Variants in KCNIP4 observed in about 807,000 individuals in gnomAD.
KCNIP4 encodes Kv channel-interacting protein 4.
Under a neutral mutation model 34.0 loss-of-function variants are expected in KCNIP4, and 12 were observed. That is an observed-to-expected ratio of 0.35 (90% CI 0.23 to 0.57). The LOEUF (loss-of-function observed/expected upper bound fraction) is 0.57, where lower values mean the gene tolerates loss of function less well. Ranked by LOEUF, KCNIP4 falls within the 20% of genes least tolerant of loss-of-function variation. The pLI, the probability that KCNIP4 is intolerant of heterozygous loss-of-function variation, is 0.83. For missense variants in KCNIP4, 238 were observed against 311.7 expected, an observed-to-expected ratio of 0.76 and a Z score of 1.78; for synonymous variants, 124 against 102.2, an observed-to-expected ratio of 1.21 and a Z score of -1.29.
intron 1 of KCNIP4, among the ~76,000 whole-genome samples, chr4:21,519,502 G>GTATATACACATATGTGTGTA (rs1267828490): frequency 9.1e-6 from 1 of 110,310 alleles, no homozygotes; most frequent in East Asian, 3.4e-4. Flanking sequence ...GTGTGTATGT[G>GTATATACACATATGTGTGTA]TATGTGTATA....
chr4:21,918,654 C>T (rs1728773063), intron 1 of KCNIP4, among the ~76,000 whole-genome samples: 2 of 152,116 alleles, frequency 1.3e-5, no homozygotes, highest in Admixed American at 6.5e-5. Context: ...GCAGAAATAA[C>T]AGTGGTGCGT....
intron 1 of KCNIP4, among the ~76,000 whole-genome samples, chr4:21,451,211 T>A (rs1728482252): frequency 6.6e-6 from 1 of 152,110 alleles, no homozygotes; most frequent in Admixed American, 6.5e-5. Flanking sequence ...GTTATTGCCA[T>A]TCCTGAGTAA....
rs553053763 is a variant in KCNIP4 at position 21,348,644 on chromosome 4, G to A, written c.62-465935C>T. 1.8e-4 allele frequency among the ~76,000 whole-genome samples: 27 copies of A among 152,210 alleles called. No individual in the cohort carries two copies. The East Asian group carries it at 2.7e-3, about 15-fold the overall frequency. ...TAAATAGCAAAAATTTTATGGAGAA[G>A]CCCATTAAGTTATTTATAAATGAGA... On this transcript the variant is annotated intron_variant, in intron 1 of 8. Coordinates refer to ENST00000382152, the MANE Select transcript of KCNIP4 (RefSeq NM_025221.6).
intron 1 of KCNIP4, among the ~76,000 whole-genome samples, chr4:21,182,411 T>TTCCCTCTC (rs1553950426): frequency 2.0e-5 from 3 of 150,936 alleles, no homozygotes; most frequent in African/African-American, 7.3e-5. Context: ...TTTTCCTCTT[T>TTCCCTCTC]TCCCTCCCCC....
chr4:21,778,323 C>T (rs191422181), intron 1 of KCNIP4, among the ~76,000 whole-genome samples: 17 of 147,824 alleles, frequency 1.2e-4, no homozygotes, highest in African/African-American at 3.5e-4. Flanking sequence ...CAGCTTCAAC[C>T]TCCTGGGCTC....
chr4:20,863,412 A>G (rs563987281), intron 2 of KCNIP4, among the ~76,000 whole-genome samples: 1 of 152,252 alleles, frequency 6.6e-6, no homozygotes, highest in Admixed American at 6.5e-5. Context: ...CCCTGATCTT[A>G]GGTTTACAAT....
chr4:20,889,573 G>T (rs1725687726), intron 1 of KCNIP4, among the ~76,000 whole-genome samples: 1 of 151,902 alleles, frequency 6.6e-6, no homozygotes, highest in Non-Finnish European at 1.5e-5. Context: ...ATTTTTTTGT[G>T]CCATCAAATA....
intron 1 of KCNIP4, among the ~76,000 whole-genome samples, chr4:21,914,327 C>T (rs1037732544): frequency 6.6e-6 from 1 of 152,064 alleles, no homozygotes; most frequent in African/African-American, 2.4e-5. Context: ...TGGATGTGTG[C>T]ATAGGGGTGG....
intron 1 of KCNIP4, among the ~76,000 whole-genome samples, chr4:21,642,335 C>T (rs1364889080): frequency 6.6e-6 from 1 of 150,756 alleles, no homozygotes; most frequent in African/African-American, 2.4e-5. Flanking sequence ...AATTCATGGG[C>T]CTTATCATAT....
intron 1 of KCNIP4, among the ~76,000 whole-genome samples, chr4:20,918,593 T>G (rs1019897998): frequency 6.6e-6 from 1 of 152,166 alleles, no homozygotes; most frequent in Non-Finnish European, 1.5e-5. Flanking sequence ...CCTACTGGAT[T>G]CCAGATGCCG....
intron 1 of KCNIP4, among the ~76,000 whole-genome samples, chr4:21,777,036 G>A (rs1328584143): frequency 6.6e-6 from 1 of 152,096 alleles, no homozygotes; most frequent in Non-Finnish European, 1.5e-5. Context: ...ACTTCCCAAA[G>A]TGCTGGTATT....
At position 21,240,709 on chromosome 4, in the gene KCNIP4, G is replaced by C. The variant is rs535338251; in HGVS notation, c.62-358000C>G. The stretch of plus-strand genomic sequence containing the variant: ...TGGAAACTGATGGCAGATTGAACTG[G>C]AGAACATGGAAAAATTACCTCCTAA... On this transcript the variant is annotated intron_variant, in intron 1 of 8. Transcript: ENST00000382152. Among the ~76,000 whole-genome samples, 35 of 152,284 alleles carry C rather than the reference G, an allele frequency of 2.3e-4. 1 individual carries two copies. Among genetic ancestry groups the C allele is most frequent in the African/African-American group, 7.0e-4 (29 of 41,558 alleles).
chr4:21,232,367 T>C (rs1326973356), intron 1 of KCNIP4, among the ~76,000 whole-genome samples: 1 of 152,156 alleles, frequency 6.6e-6, no homozygotes, highest in Admixed American at 6.6e-5. Context: ...AATGACCATA[T>C]TGCCATGGAC....
intron 1 of KCNIP4, among the ~76,000 whole-genome samples, chr4:21,263,143 TA>T (rs575666112): frequency 6.1e-4 from 93 of 152,256 alleles, no homozygotes; most frequent in African/African-American, 2.2e-3. Flanking sequence ...CTGACATGAG[TA>T]ATTGGTCCAT....
At chr4:21,615,502 C>T (rs4697222) in intron 1 of KCNIP4, among the ~76,000 whole-genome samples, 49,389 of 151,526 alleles carry the variant, frequency 0.33, 8,457 homozygotes, top group East Asian at 0.62. Context: ...GCCGAGATCA[C>T]GCCACTGCAC....
intron 1 of KCNIP4, among the ~76,000 whole-genome samples, chr4:21,158,757 T>C (rs1032181933): frequency 6.6e-6 from 1 of 152,222 alleles, no homozygotes; most frequent in East Asian, 1.9e-4. Context: ...TCTTACCTGT[T>C]CGAATTGTAT....
At chr4:21,727,645 A>C (rs757186498) in intron 1 of KCNIP4, among the ~76,000 whole-genome samples, 1 of 152,036 alleles carries the variant, frequency 6.6e-6, no homozygotes, top group Admixed American at 6.6e-5. Flanking sequence ...CCTGGCCAAC[A>C]TAACAAGAAC....
intron 1 of KCNIP4, among the ~76,000 whole-genome samples, chr4:21,801,967 A>T (rs56318309): frequency 0.24 from 36,552 of 151,440 alleles, 6,148 homozygotes; most frequent in East Asian, 0.64. Context: ...TTTTTTTTTT[A>T]AAAAAGAATA....
In KCNIP4 at chr4:20,953,351, T is replaced by C. The variant is rs558823535; in HGVS notation, c.62-70642A>G. ...CTAAAAGCAACTTGAGACTTCTATA[T>C]GGTTGGAACCTAGCACAGTGCATAA... On this transcript the variant is annotated intron_variant, in intron 1 of 8. Transcript: ENST00000382152. Among the ~76,000 whole-genome samples, 11 of 152,316 alleles carry C rather than the reference T, an allele frequency of 7.2e-5. No individual in the cohort carries two copies. The East Asian group carries it at 2.1e-3, about 29-fold the overall frequency.
Sources: gnomAD v4.1 joint callset for allele counts (sites outside exome capture counted in the v4.1 genomes callset) on GRCh38, gnomAD v4.1.1 for gene constraint, MANE v1.5 for transcripts, NCBI Gene and HGNC (gene_info 2026-07-23, HGNC 2026-07-21) for gene names.